Variants in TFIP11 observed in about 807,000 individuals in gnomAD.
TFIP11 encodes the protein tuftelin-interacting protein 11.
A neutral mutation model predicts 96.8 loss-of-function variants in TFIP11; 86 were observed. The ratio of observed to expected loss-of-function variants is 0.89; its 90% CI spans 0.75 to 1.06. The LOEUF is 1.06. Among genes scored for constraint, TFIP11 ranks in the 50% least tolerant of loss-of-function variants. TFIP11 has a pLI of 0.00. For synonymous variants in TFIP11, 405 were observed against 395.2 expected (o/e 1.02, Z -0.29); for missense variants, 881 against 1,076.7 (o/e 0.82, Z 2.54).
Position 26,492,143 on chromosome 22 carries a change from C to T in TFIP11, c.2384G>A (p.Arg795Gln). ...NIVFMPVIGK[R>Q]HEGKQLYTFG... ...GGTGTAGAGCTGCTTCCCTTCGTGT[C>T]GCTTCCCAATGACGGGCATGAAGAC... The change falls in exon 15 of 15, where the codon CGA becomes CAA. Residue 795 changes from arginine (R) to glutamine (Q), a missense_variant. Transcript: ENST00000407690. 1 of 1,613,650 alleles carries T rather than the reference C, an allele frequency of 6.2e-7. No homozygotes were observed. Among genetic ancestry groups the T allele is most frequent in the Non-Finnish European group, 8.5e-7 (1 of 1,179,862 alleles).
intron 8 of TFIP11, 87 bp from the exon 9 acceptor site, chr22:26,499,718 G>C (rs1922547784): frequency 7.2e-7 from 1 of 1,389,490 alleles, no homozygotes. Flanking sequence ...CCATGACAGG[G>C]GAAGTGTGTA....
At chr22:26,501,823 C>A (rs897505545) in intron 8 of TFIP11, 77 bp downstream of exon 8, 31 of 874,044 alleles carry the variant, frequency 3.5e-5, no homozygotes, top group Middle Eastern at 4.2e-4. Flanking sequence ...GCTAAAAGAT[C>A]CAAAAAACCC....
At chr22:26,493,769 C>T (rs1405410857) in intron 14 of TFIP11, 6 of 217,772 alleles carry the variant, frequency 2.8e-5, no homozygotes, top group Non-Finnish European at 2.8e-5. Context: ...AGTGTCAGAC[C>T]GCGTGCCAAA....
chr22:26,498,233 G>C (rs149717527), intron 10 of TFIP11, among the ~76,000 whole-genome samples: 1 of 152,110 alleles, frequency 6.6e-6, no homozygotes, highest in Non-Finnish European at 1.5e-5. Flanking sequence ...GGATGGGAAG[G>C]GGGTGAGGGA....
At chr22:26,502,689 C>T (rs1284850044) in intron 7 of TFIP11, among the ~76,000 whole-genome samples, 1 of 152,170 alleles carries the variant, frequency 6.6e-6, no homozygotes, top group Non-Finnish European at 1.5e-5. Flanking sequence ...TAAGACTTGT[C>T]ATTTTTTCTC....
At chr22:26,503,887 C>A (rs370515106) in intron 6 of TFIP11, 94 bp from the exon 7 acceptor site, 15 of 1,508,918 alleles carry the variant, frequency 9.9e-6, no homozygotes, top group East Asian at 6.8e-5. Context: ...GTTTCTTGCT[C>A]CTTCCACAAA....
intron 10 of TFIP11, 81 bp from the exon 11 acceptor site, chr22:26,496,970 A>T (rs1922151280): frequency 3.3e-6 from 5 of 1,514,914 alleles, no homozygotes; most frequent in Non-Finnish European, 3.6e-6. Flanking sequence ...GCCTCTCTAG[A>T]ATCAGGAATA....
chr22:26,507,759 C>T (rs1351240114), intron 4 of TFIP11, among the ~76,000 whole-genome samples: 1 of 152,032 alleles, frequency 6.6e-6, no homozygotes, highest in African/African-American at 2.4e-5. Context: ...CCATTAACCT[C>T]AGGTCTTTTT....
chr22:26,499,187 T>C lies in TFIP11; in HGVS notation c.1246A>G (p.Arg416Gly), dbSNP rs1922438329. ...TLQDKYYEEY[R>G]MSDRVDLAVA... ...GCAAGGTCCACACGGTCGGACATCC[T>C]GTACTCCTCATAGTACTTGTCCTGC... Residue 416 changes from arginine to glycine, a missense_variant, in exon 9 of 15, where the codon AGG (arginine) becomes GGG (glycine). Arg to Gly is a moderately radical substitution (Grantham distance 125). Transcript: ENST00000407690. The C allele has an allele frequency of 1.2e-6, 2 of 1,612,912 alleles. No individual in the cohort carries two copies. The highest frequency in any genetic ancestry group is 1.1e-5 in the South Asian group (1 of 90,826).
At chr22:26,507,069 A>C (rs1923511516) in intron 4 of TFIP11, 141 bp from the exon 5 acceptor site, 1 of 1,069,532 alleles carries the variant, frequency 9.3e-7, no homozygotes, top group African/African-American at 1.6e-5. Flanking sequence ...CACATTTTTT[A>C]ATGTGTCAAA....
At position 26,495,636 on chromosome 22, in the gene TFIP11, A is replaced by ATATATGTGTATATACATATATG. The variant is rs67743115; in HGVS notation, c.1849+436_1849+437insCATATATGTATATACACATATA. ...TGTATATACATATATGTGTATATAC[A>ATATATGTGTATATACATATATG]TGTGTATATATACATGTATATGCAT... On this transcript the variant is annotated intron_variant, in intron 12 of 14. Coordinates refer to ENST00000407690, the MANE Select transcript of TFIP11 (RefSeq NM_012143.4). 1.0e-4 allele frequency among the ~76,000 whole-genome samples: 11 copies of ATATATGTGTATATACATATATG among 110,374 alleles called. No homozygotes were observed. The East Asian group carries it at 2.3e-3, about 23-fold the overall frequency. 72.4% of individuals were successfully genotyped at this position (110,374 alleles called of 152,430 possible).
chr22:26,499,196 C>G lies in TFIP11; in HGVS notation c.1237G>C (p.Glu413Gln). 1 of 1,613,578 alleles carries G rather than the reference C, an allele frequency of 6.2e-7. No individual in the cohort carries two copies. The change falls in exon 9 of 15, where the codon GAG becomes CAG. Residue 413 changes from glutamate (E) to glutamine (Q), a missense_variant. Physicochemically the swap from Glu to Gln is conservative, Grantham distance 29 (BLOSUM62 2). Coordinates refer to ENST00000407690, the MANE Select transcript of TFIP11 (RefSeq NM_012143.4). ...IFETLQDKYY[E>Q]EYRMSDRVDL... is the part of the protein sequence containing the mutation. ...ACACGGTCGGACATCCTGTACTCCT[C>G]ATAGTACTTGTCCTGCAGGGTTTCG... is the stretch of plus-strand genomic sequence containing the variant.
Position 26,496,160 on chromosome 22 carries a change from CAG to C in TFIP11, c.1760_1761del (p.Ser587CysfsTer35), listed in dbSNP as rs1420636992. 6.2e-7 allele frequency: 1 copy of C among 1,613,902 alleles called. No homozygotes were observed. The highest frequency in any genetic ancestry group is 1.1e-5 in the South Asian group (1 of 91,074). On this transcript the variant is annotated frameshift_variant, in exon 12 of 15. Coordinates refer to ENST00000407690, the MANE Select transcript of TFIP11 (RefSeq NM_012143.4). LOFTEE classifies it high-confidence loss of function. ...TTCCAGGGCTGGAGGATGAGCTTGG[CAG>C]AGGAGTCGCTGGGGTGCCACTTCTG... is the stretch of plus-strand genomic sequence containing the variant. ...ALQKWHPSDSSAKLILQPWKD... is the reference protein window; with the variant it reads ...ALQKWHPSDSXAKLILQPWKD...
intron 6 of TFIP11, 116 bp downstream of exon 6, chr22:26,506,187 C>T (rs894193231): frequency 8.5e-6 from 10 of 1,175,080 alleles, no homozygotes; most frequent in African/African-American, 3.1e-5. Context: ...TGCTGGCAAA[C>T]CAGGCTGGAG....
Position 26,492,159 on chromosome 22 carries a change from G to C in TFIP11, c.2368C>G (p.Pro790Ala). 1 of 1,614,198 alleles carries C rather than the reference G, an allele frequency of 6.2e-7. No homozygotes were observed. The highest frequency in any genetic ancestry group is 1.1e-5 in the South Asian group (1 of 91,084). The change falls in exon 15 of 15, where the codon CCC (proline) becomes GCC (alanine). Residue 790 changes from proline to alanine, a missense_variant. Coordinates refer to ENST00000407690, the MANE Select transcript of TFIP11 (RefSeq NM_012143.4). ...CCTTCGTGTCGCTTCCCAATGACGGGCATGAAGACAATGTTGTGCTCCTCA... is the reference window on the plus strand; with the variant it reads ...CCTTCGTGTCGCTTCCCAATGACGGCCATGAAGACAATGTTGTGCTCCTCA... ...KAEEHNIVFM[P>A]VIGKRHEGKQ... is the part of the protein sequence containing the mutation.
intron 5 of TFIP11, 92 bp downstream of exon 5, chr22:26,506,683 T>C (rs1353434914): frequency 1.3e-6 from 2 of 1,516,604 alleles, no homozygotes; most frequent in African/African-American, 2.8e-5. Flanking sequence ...CGAAATTCAT[T>C]CCAGATGAGT....
chr22:26,506,560 C>T, intron 5 of TFIP11, 101 bp from the exon 6 acceptor site: 2 of 1,449,968 alleles, frequency 1.4e-6, no homozygotes, highest in Admixed American at 2.5e-5. Context: ...TTATACAGCA[C>T]TATGAAAAGT....
intron 4 of TFIP11, among the ~76,000 whole-genome samples, chr22:26,508,041 G>C (rs748890123): frequency 6.6e-6 from 1 of 152,186 alleles, no homozygotes; most frequent in Non-Finnish European, 1.5e-5. Context: ...CCAGGAGACA[G>C]AGGGTGCAGT....
intron 14 of TFIP11, chr22:26,493,889 T>C: frequency 2.1e-6 from 1 of 471,102 alleles, no homozygotes; most frequent in South Asian, 2.2e-5. Flanking sequence ...TAGACTGACA[T>C]CATCTGAATC....
Sources: allele counts gnomAD v4.1 joint callset (sites outside exome capture counted in the v4.1 genomes callset), GRCh38; gene constraint gnomAD v4.1.1; transcripts MANE v1.5; gene names NCBI Gene and HGNC (gene_info 2026-07-23, HGNC 2026-07-21).